LPP: variants seen among roughly 807,000 people sequenced by gnomAD.
LPP encodes the protein lipoma-preferred partner.
Under a neutral mutation model 60.4 loss-of-function variants are expected in LPP, and 38 were observed. The observed-to-expected ratio is 0.63, with a 90% CI of 0.49 to 0.83. LPP has a LOEUF of 0.83. Among genes scored for constraint, LPP ranks in the 40% least tolerant of loss-of-function variants. The probability of loss-of-function intolerance (pLI) is 0.00; values close to 1 mark genes in which losing one functional copy is unlikely to be tolerated. For missense variants in LPP, 902 were observed against 783.6 expected (o/e 1.15, Z -1.80); for synonymous variants, 328 against 290.8 (o/e 1.13, Z -1.30).
chr3:188,503,954 T>C (rs114685344), intron 5 of LPP, among the ~76,000 whole-genome samples: 28 of 152,320 alleles, frequency 1.8e-4, no homozygotes, highest in Non-Finnish European at 4.0e-4. Flanking sequence ...TTTTTGAGCT[T>C]CTTGGATGTT....
chr3:188,251,016 G>GCCCTCCCCCCTT (rs1729411706), intron 2 of LPP, among the ~76,000 whole-genome samples: 1 of 46,202 alleles, frequency 2.2e-5, no homozygotes, highest in Non-Finnish European at 3.6e-5. Flanking sequence ...CCTCCCCCCC[G>GCCCTCCCCCCTT]CCCTCCCCCC....
At chr3:188,463,356 AT>A (rs1400698302) in intron 4 of LPP, among the ~76,000 whole-genome samples, 18 of 60,826 alleles carry the variant, frequency 3.0e-4, no homozygotes, top group African/African-American at 9.2e-4. Context: ...TGCCTGACTA[AT>A]TTAAAAAAAA....
chr3:188,378,968 G>C (rs1003517081), intron 3 of LPP, among the ~76,000 whole-genome samples: 3 of 152,136 alleles, frequency 2.0e-5, no homozygotes, highest in Non-Finnish European at 4.4e-5. Context: ...GAAGGGGAAG[G>C]GTGTGGGCAG....
chr3:188,162,354 C>G (rs1216407362), intron 1 of LPP, among the ~76,000 whole-genome samples: 15 of 152,300 alleles, frequency 9.8e-5, no homozygotes, highest in Non-Finnish European at 1.5e-5. Flanking sequence ...CTCCAAAACT[C>G]CTGTCTTGTT....
intron 2 of LPP, among the ~76,000 whole-genome samples, chr3:188,247,801 A>G (rs1369685821): frequency 6.2e-5 from 8 of 128,998 alleles, no homozygotes; most frequent in African/African-American, 1.3e-4. Context: ...TCCATCTCAG[A>G]AAAAAAAAAA....
chr3:188,859,076 G>A (rs1477762293), intron 9 of LPP, among the ~76,000 whole-genome samples: 3 of 130,318 alleles, frequency 2.3e-5, no homozygotes. Context: ...GTGACAGAGT[G>A]AGACTCTGTC....
chr3:188,652,151 T>C (rs1580707279), intron 7 of LPP, among the ~76,000 whole-genome samples: 1 of 152,126 alleles, frequency 6.6e-6, no homozygotes, highest in South Asian at 2.1e-4. Context: ...AGTCTTTGAA[T>C]TTTCCTGCAC....
intron 8 of LPP, among the ~76,000 whole-genome samples, chr3:188,737,145 A>T (rs1560135231): frequency 6.6e-6 from 1 of 152,182 alleles, no homozygotes; most frequent in Admixed American, 6.5e-5. Context: ...CCGTACAATG[A>T]ACATGTGTTA....
Position 188,484,637 on chromosome 3 carries a change from C to T in LPP, c.239C>T (p.Ala80Val). Residue 80 changes from alanine to valine, a missense_variant, in exon 5 of 12, where the codon GCC becomes GTC. By Grantham distance (64) the Ala-to-Val change is moderately conservative. Coordinates refer to ENST00000617246, the MANE Select transcript of LPP (RefSeq NM_001375462.1). ...PPPPPLDDSS[A>V]LPSISGNFPP... is the part of the protein sequence containing the mutation. Reference sequence around the variant, plus strand: ...CCTCCACCTCTAGATGATTCCAGTGCCCTTCCATCTATCTCTGGAAACTTT... The same window carrying T: ...CCTCCACCTCTAGATGATTCCAGTGTCCTTCCATCTATCTCTGGAAACTTT... 3 of 1,613,998 alleles carry T rather than the reference C, an allele frequency of 1.9e-6. No homozygotes were observed. The highest frequency in any genetic ancestry group is 1.1e-5 in the South Asian group (1 of 91,082).
At chr3:188,869,685 G>C (rs1321422208) in intron 10 of LPP, among the ~76,000 whole-genome samples, 3 of 152,216 alleles carry the variant, frequency 2.0e-5, no homozygotes, top group African/African-American at 7.2e-5. Flanking sequence ...TTCAGGTCTG[G>C]AGTGGGGCCT....
At chr3:188,718,611 G>C (rs1203047831) in intron 8 of LPP, among the ~76,000 whole-genome samples, 1 of 152,058 alleles carries the variant, frequency 6.6e-6, no homozygotes, top group Non-Finnish European at 1.5e-5. Context: ...CTAAATGTAA[G>C]TCTGCGTGAG....
At chr3:188,362,508 G>C (rs7629039) in intron 3 of LPP, among the ~76,000 whole-genome samples, 2 of 152,224 alleles carry the variant, frequency 1.3e-5, no homozygotes, top group African/African-American at 4.8e-5. Flanking sequence ...CTTGTTTCCT[G>C]ATACTTTTAC....
chr3:188,796,533 G>T (rs1325165827), intron 9 of LPP, among the ~76,000 whole-genome samples: 1 of 152,170 alleles, frequency 6.6e-6, no homozygotes, highest in Non-Finnish European at 1.5e-5. Flanking sequence ...TTTTCCCTAA[G>T]TGTTGTGGTT....
chr3:188,273,584 T>C (rs1738555269), intron 2 of LPP, among the ~76,000 whole-genome samples: 1 of 127,378 alleles, frequency 7.9e-6, no homozygotes, highest in Non-Finnish European at 1.6e-5. Flanking sequence ...TTGGCTATTT[T>C]ATATCTTTTT....
intron 1 of LPP, among the ~76,000 whole-genome samples, chr3:188,155,812 G>C (rs781150362): frequency 6.6e-6 from 1 of 152,106 alleles, no homozygotes; most frequent in Non-Finnish European, 1.5e-5. Flanking sequence ...TCAGGAGTTA[G>C]AAACCAGCCT....
chr3:188,327,001 G>A (rs1164306597), intron 2 of LPP, among the ~76,000 whole-genome samples: 1 of 152,156 alleles, frequency 6.6e-6, no homozygotes, highest in Non-Finnish European at 1.5e-5. Flanking sequence ...CTTTATTCAA[G>A]AATGTAGATT....
At chr3:188,239,476 T>C (rs892364231) in intron 2 of LPP, among the ~76,000 whole-genome samples, 1 of 152,240 alleles carries the variant, frequency 6.6e-6, no homozygotes, top group Non-Finnish European at 1.5e-5. Flanking sequence ...CTGTGCTCAA[T>C]TTTATTTTTA....
At chr3:188,394,936 T>C (rs114262109) in intron 3 of LPP, among the ~76,000 whole-genome samples, 5,664 of 152,212 alleles carry the variant, frequency 0.037, 149 homozygotes, top group Non-Finnish European at 0.061. Flanking sequence ...ATTGCAAAAC[T>C]AGCCTCTCTT....
chr3:188,171,627 A>G (rs1383120185), intron 1 of LPP, among the ~76,000 whole-genome samples: 1 of 152,198 alleles, frequency 6.6e-6, no homozygotes, highest in Non-Finnish European at 1.5e-5. Flanking sequence ...TTGTTGTTCC[A>G]TGAGTGAGAC....
Sources: allele counts gnomAD v4.1 joint callset (sites outside exome capture counted in the v4.1 genomes callset), GRCh38; gene constraint gnomAD v4.1.1; transcripts MANE v1.5; gene names NCBI Gene and HGNC (gene_info 2026-07-23, HGNC 2026-07-21).